The following COMMD1 variants were observed in gnomAD, a reference collection of about 807,000 sequenced individuals.
COMMD1 encodes COMM domain-containing protein 1.
Under a neutral mutation model 17.2 loss-of-function variants are expected in COMMD1, and 10 were observed. The observed-to-expected ratio is 0.58, with a 90% CI of 0.36 to 0.99. The LOEUF (loss-of-function observed/expected upper bound fraction) is 0.99, where lower values mean the gene tolerates loss of function less well. COMMD1 is among the 50% of genes least tolerant of loss of function. The pLI, the probability that COMMD1 is intolerant of heterozygous loss-of-function variation, is 0.01. For missense variants in COMMD1, 270 were observed against 231.8 expected (o/e 1.17, Z -1.07); for synonymous variants, 97 against 91.6 (o/e 1.06, Z -0.34).
At chr2:62,036,118 G>T (rs1014736149) in intron 2 of COMMD1, among the ~76,000 whole-genome samples, 12 of 151,942 alleles carry the variant, frequency 7.9e-5, no homozygotes, top group African/African-American at 2.9e-4. Flanking sequence ...TAGAAAAAAG[G>T]TGTAGGGATT....
At chr2:61,912,733 CA>C (rs149353922) in intron 1 of COMMD1, among the ~76,000 whole-genome samples, 972 of 70,668 alleles carry the variant, frequency 0.014, 3 homozygotes, top group Admixed American at 0.015. Flanking sequence ...GACTCCATCT[CA>C]AAAAAAAAAA....
intron 1 of COMMD1, among the ~76,000 whole-genome samples, chr2:61,930,650 TGTGTGTGA>T (rs1225629163): frequency 4.0e-5 from 6 of 151,782 alleles, no homozygotes; most frequent in East Asian, 1.9e-4. Context: ...TGTGTGTGTG[TGTGTGTGA>T]GTGAGTGTTT....
chr2:62,057,924 T>C (rs1208061536), intron 2 of COMMD1, among the ~76,000 whole-genome samples: 1 of 152,178 alleles, frequency 6.6e-6, no homozygotes, highest in Non-Finnish European at 1.5e-5. Flanking sequence ...TGGTTTATTT[T>C]GTTTTTATTT....
intron 1 of COMMD1, among the ~76,000 whole-genome samples, chr2:61,999,957 T>G (rs1668879472): frequency 6.9e-6 from 1 of 143,904 alleles, no homozygotes; most frequent in Non-Finnish European, 1.5e-5. Flanking sequence ...GCAGTCTTGC[T>G]CTGTCGCTCA....
intron 2 of COMMD1, among the ~76,000 whole-genome samples, chr2:62,132,901 C>T (rs1033608065): frequency 6.6e-6 from 1 of 152,094 alleles, no homozygotes; most frequent in Non-Finnish European, 1.5e-5. Context: ...GAATGAAGAA[C>T]AGGCTTTCAC....
At chr2:62,039,865 G>A (rs1399388837) in intron 2 of COMMD1, among the ~76,000 whole-genome samples, 1 of 152,116 alleles carries the variant, frequency 6.6e-6, no homozygotes, top group African/African-American at 2.4e-5. Context: ...GTATTTTCTG[G>A]CATAGTAACA....
chr2:62,069,699 TGTTA>T (rs1238074435), intron 2 of COMMD1: 1 of 152,170 alleles, frequency 6.6e-6, no homozygotes, highest in Admixed American at 6.5e-5. Context: ...GGAGACTACA[TGTTA>T]GTTTTTTATT....
chr2:62,071,146 T>G (rs913649768), intron 2 of COMMD1, among the ~76,000 whole-genome samples: 14 of 152,236 alleles, frequency 9.2e-5, no homozygotes, highest in Non-Finnish European at 1.5e-4. Flanking sequence ...AGTGGATTAT[T>G]CGTGAGTTTT....
chr2:62,074,322 C>G (rs1329233868), intron 2 of COMMD1, among the ~76,000 whole-genome samples: 1 of 152,232 alleles, frequency 6.6e-6, no homozygotes, highest in Admixed American at 6.5e-5. Context: ...TTAACTGGCT[C>G]AAAGCCCCAT....
chr2:62,075,484 G>A (rs1271465650), intron 2 of COMMD1, among the ~76,000 whole-genome samples: 1 of 152,144 alleles, frequency 6.6e-6, no homozygotes, highest in Non-Finnish European at 1.5e-5. Context: ...CATCTATAAT[G>A]TATCACCCTC....
chr2:62,009,036 G>A (rs1043613896), intron 2 of COMMD1, among the ~76,000 whole-genome samples: 2 of 151,916 alleles, frequency 1.3e-5, no homozygotes, highest in Non-Finnish European at 2.9e-5. Flanking sequence ...CGCCCACCTC[G>A]GCCTCCCAAA....
At chr2:62,104,886 G>A (rs1672285522) in intron 2 of COMMD1, among the ~76,000 whole-genome samples, 1 of 152,096 alleles carries the variant, frequency 6.6e-6, no homozygotes, top group Non-Finnish European at 1.5e-5. Flanking sequence ...AGCACTTTGG[G>A]AGGCCGAGGT....
chr2:62,074,203 G>A (rs1671276272), intron 2 of COMMD1, among the ~76,000 whole-genome samples: 1 of 152,124 alleles, frequency 6.6e-6, no homozygotes. Flanking sequence ...AGACTCTCAT[G>A]TCCAAAGATT....
chr2:61,942,496 C>G (rs1412437774), intron 1 of COMMD1, among the ~76,000 whole-genome samples: 2 of 151,602 alleles, frequency 1.3e-5, no homozygotes, highest in Non-Finnish European at 2.9e-5. Flanking sequence ...CTGCTTTGGC[C>G]TCCCAAAGTG....
intron 1 of COMMD1, among the ~76,000 whole-genome samples, chr2:61,946,342 T>G (rs1670904955): frequency 6.6e-6 from 1 of 152,176 alleles, no homozygotes; most frequent in South Asian, 2.1e-4. Context: ...AGATTTTATT[T>G]AGGATTTGAT....
chr2:61,965,862 C>A (rs746511615), intron 1 of COMMD1, among the ~76,000 whole-genome samples: 2 of 152,004 alleles, frequency 1.3e-5, no homozygotes, highest in African/African-American at 4.8e-5. Flanking sequence ...GATTTTCAGA[C>A]GTACACAAAA....
At chr2:61,984,306 A>C (rs1176719188) in intron 1 of COMMD1, among the ~76,000 whole-genome samples, 1 of 152,226 alleles carries the variant, frequency 6.6e-6, no homozygotes. Flanking sequence ...GATTACAGGC[A>C]TGAGCCACCG....
intron 1 of COMMD1, among the ~76,000 whole-genome samples, chr2:61,982,543 G>A (rs890856874): frequency 2.0e-5 from 3 of 152,220 alleles, no homozygotes; most frequent in South Asian, 4.1e-4. Flanking sequence ...GTGTAAGTGG[G>A]CATACTTGTG....
At chr2:62,072,395 G>A (rs928604717) in intron 2 of COMMD1, among the ~76,000 whole-genome samples, 10 of 152,082 alleles carry the variant, frequency 6.6e-5, no homozygotes, top group Non-Finnish European at 1.5e-4. Context: ...TAAAAACCCT[G>A]GACTCAGCCA....
Sources: gnomAD v4.1 joint callset for allele counts (sites outside exome capture counted in the v4.1 genomes callset) on GRCh38, gnomAD v4.1.1 for gene constraint, MANE v1.5 for transcripts, NCBI Gene and HGNC (gene_info 2026-07-23, HGNC 2026-07-21) for gene names.